The following KCNIP1 variants were observed in gnomAD, a reference collection of about 807,000 sequenced individuals.
KCNIP1 encodes potassium voltage-gated channel interacting protein 1.
A neutral mutation model predicts 33.0 loss-of-function variants in KCNIP1; 18 were observed. The ratio of observed to expected loss-of-function variants is 0.55; its 90% confidence interval spans 0.38 to 0.81. The LOEUF (loss-of-function observed/expected upper bound fraction) is 0.81, where lower values mean the gene tolerates loss of function less well. Ranked by LOEUF, KCNIP1 falls within the 30% of genes least tolerant of loss-of-function variation. KCNIP1 has a pLI of 0.00. For synonymous variants in KCNIP1, 93 were observed against 98.3 expected, an observed-to-expected ratio of 0.95 and a Z score of 0.32; for missense variants, 238 against 271.6, an observed-to-expected ratio of 0.88 and a Z score of 0.87.
intron 1 of KCNIP1, among the ~76,000 whole-genome samples, chr5:170,623,595 A>G (rs926776344): frequency 2.0e-5 from 3 of 151,668 alleles, no homozygotes; most frequent in Non-Finnish European, 2.9e-5. Context: ...CCTTTCCCCA[A>G]CCTCTCCCCT....
chr5:170,388,153 AAGG>A (rs1764561545), intron 1 of KCNIP1, among the ~76,000 whole-genome samples: 1 of 152,248 alleles, frequency 6.6e-6, no homozygotes, highest in Admixed American at 6.5e-5. Context: ...AAGGAAAGGA[AAGG>A]AGAGGCTTCC....
intron 1 of KCNIP1, among the ~76,000 whole-genome samples, chr5:170,449,645 C>T (rs761298152): frequency 2.0e-5 from 3 of 152,294 alleles, no homozygotes; most frequent in Non-Finnish European, 2.9e-5. Context: ...TGATACAATA[C>T]AATAATCCAC....
At chr5:170,429,227 C>G (rs1755686781) in intron 1 of KCNIP1, among the ~76,000 whole-genome samples, 1 of 152,136 alleles carries the variant, frequency 6.6e-6, no homozygotes, top group Admixed American at 6.5e-5. Flanking sequence ...GAGGGAACAT[C>G]TTAAAACACA....
chr5:170,413,273 G>C (rs1405207085), intron 1 of KCNIP1, among the ~76,000 whole-genome samples: 1 of 152,194 alleles, frequency 6.6e-6, no homozygotes, highest in Non-Finnish European at 1.5e-5. Flanking sequence ...GGGCCCTCTG[G>C]CTGGGGCCAG....
intron 1 of KCNIP1, among the ~76,000 whole-genome samples, chr5:170,565,669 T>C (rs1263495318): frequency 6.6e-6 from 1 of 152,234 alleles, no homozygotes; most frequent in Non-Finnish European, 1.5e-5. Flanking sequence ...AATATGCTAT[T>C]TGGTTCAAGG....
intron 1 of KCNIP1, chr5:170,385,458 G>A (rs1273325134): frequency 6.2e-7 from 1 of 1,614,078 alleles, no homozygotes; most frequent in East Asian, 2.2e-5. Flanking sequence ...ATTCACTGGG[G>A]GCAGTGATCA....
chr5:170,499,004 G>T (rs527251820), intron 1 of KCNIP1, among the ~76,000 whole-genome samples: 1 of 152,282 alleles, frequency 6.6e-6, no homozygotes, highest in South Asian at 2.1e-4. Context: ...CAGGCTGAGT[G>T]GCGGTGGATG....
At chr5:170,672,842 T>C (rs2113773922) in intron 1 of KCNIP1, among the ~76,000 whole-genome samples, 1 of 152,380 alleles carries the variant, frequency 6.6e-6, no homozygotes, top group South Asian at 2.1e-4. Flanking sequence ...ATTCAAAATC[T>C]GTGATCTTTG....
At chr5:170,512,629 T>G (rs1305183834) in intron 1 of KCNIP1, among the ~76,000 whole-genome samples, 1 of 152,228 alleles carries the variant, frequency 6.6e-6, no homozygotes, top group Non-Finnish European at 1.5e-5. Flanking sequence ...AATGCAGTCA[T>G]GCATGTAAGA....
chr5:170,630,981 A>G lies in KCNIP1; in HGVS notation c.62-87777A>G, dbSNP rs1760031736. Among the ~76,000 whole-genome samples, 3 of 152,288 alleles carry G rather than the reference A, an allele frequency of 2.0e-5. No homozygotes were observed. In the South Asian group the frequency reaches 6.2e-4, roughly 32 times the overall value. On this transcript the variant is annotated intron_variant, in intron 1 of 7. Coordinates refer to ENST00000328939, the MANE Select transcript of KCNIP1 (RefSeq NM_014592.4). ...AACAGCTGTCAGCACGGGACAGTGG[A>G]GGGAACACTAGGTTAGGAATAAGGG...
rs1419357508 is a variant in KCNIP1 at position 170,703,766 on chromosome 5, C to G, written c.62-14992C>G. ...TTCCCTGGGCCACTGTCTCGGGACT[C>G]TTAATATATTTTCCAATTAGTTCCT... is the stretch of plus-strand genomic sequence containing the variant. On this transcript the variant is annotated intron_variant, in intron 1 of 7. Coordinates refer to ENST00000328939, the MANE Select transcript of KCNIP1 (RefSeq NM_014592.4). Among the ~76,000 whole-genome samples the G allele has an allele frequency of 3.6e-5, 5 of 138,438 alleles. 1 individual carries two copies. The highest frequency in any genetic ancestry group is 7.6e-5 in the Non-Finnish European group (5 of 65,790). 90.8% of individuals were successfully genotyped at this position (138,438 alleles called of 152,430 possible).
chr5:170,477,012 C>T (rs993668894), intron 1 of KCNIP1, among the ~76,000 whole-genome samples: 2 of 152,212 alleles, frequency 1.3e-5, no homozygotes, highest in South Asian at 4.1e-4. Context: ...AAATGCACCG[C>T]TGTAATGTGG....
intron 1 of KCNIP1, among the ~76,000 whole-genome samples, chr5:170,448,691 T>C (rs1393654135): frequency 3.3e-5 from 5 of 152,336 alleles, no homozygotes; most frequent in African/African-American, 4.8e-5. Context: ...TGAGCTGGTC[T>C]GGACCCAACA....
chr5:170,457,405 G>A lies in KCNIP1; in HGVS notation c.88+103441G>A, dbSNP rs183612026. Among the ~76,000 whole-genome samples, 403 of 152,324 alleles carry A rather than the reference G, an allele frequency of 2.6e-3. 3 individuals carry two copies. The highest frequency in any genetic ancestry group is 9.1e-3 in the African/African-American group (380 of 41,566). ...CAGGAATAAATTAGGAGAGCCAAGA[G>A]AACCCACAGACCCTCTGAAGGAAGT... On this transcript the variant is annotated intron_variant, in intron 1 of 7. Coordinates refer to the KCNIP1 transcript ENST00000377360.
intron 1 of KCNIP1, among the ~76,000 whole-genome samples, chr5:170,715,178 C>T (rs879719749): frequency 6.6e-6 from 1 of 152,146 alleles, no homozygotes; most frequent in East Asian, 1.9e-4. Context: ...GTATTCAGTA[C>T]AATAACACAC....
chr5:170,411,154 G>T lies in KCNIP1; in HGVS notation c.88+57190G>T, dbSNP rs538502334. The stretch of plus-strand genomic sequence containing the variant: ...GTGGCCAAGATGATTGCATCCAAGC[G>T]ATGCTAATTGATTGCAGCCTTGCAT... On this transcript the variant is annotated intron_variant, in intron 1 of 7. Coordinates refer to the KCNIP1 transcript ENST00000377360. 3.9e-5 allele frequency among the ~76,000 whole-genome samples: 6 copies of T among 152,192 alleles called. No individual in the cohort carries two copies. The East Asian group carries it at 1.2e-3, about 29-fold the overall frequency.
chr5:170,354,837 A>C (rs1453860386), intron 1 of KCNIP1, among the ~76,000 whole-genome samples: 2 of 152,182 alleles, frequency 1.3e-5, no homozygotes, highest in African/African-American at 4.8e-5. Context: ...CAGCAGCATG[A>C]TGTGGTTCCA....
chr5:170,723,973 G>T (rs1561784960), intron 5 of KCNIP1, among the ~76,000 whole-genome samples: 1 of 152,226 alleles, frequency 6.6e-6, no homozygotes, highest in Non-Finnish European at 1.5e-5. Flanking sequence ...ACTAGTGCAG[G>T]ATGAGCCTGA....
At chr5:170,528,121 G>A (rs1281474882) in intron 1 of KCNIP1, among the ~76,000 whole-genome samples, 1 of 152,124 alleles carries the variant, frequency 6.6e-6, no homozygotes, top group Non-Finnish European at 1.5e-5. Flanking sequence ...TTTGCCTGGG[G>A]CCTGCCCTGG....
Sources: gnomAD v4.1 joint callset for allele counts (sites outside exome capture counted in the v4.1 genomes callset) on GRCh38, gnomAD v4.1.1 for gene constraint, MANE v1.5 for transcripts, NCBI Gene and HGNC (gene_info 2026-07-23, HGNC 2026-07-21) for gene names.